ADAMTSL1: variants seen among roughly 807,000 people sequenced by gnomAD.
ADAMTSL1 encodes ADAMTS like 1, also known as ADAMTS-like protein 1.
ADAMTSL1 carries 126 observed loss-of-function variants against 201.8 expected under a neutral mutation model. The ratio of observed to expected loss-of-function variants is 0.62; its 90% CI spans 0.54 to 0.72. The LOEUF is 0.72. Ranked by LOEUF, ADAMTSL1 falls within the 30% of genes least tolerant of loss-of-function variation. The pLI is 0.00. For missense variants in ADAMTSL1, 2,679 were observed against 2,277.8 expected (o/e 1.18, Z -3.59); for synonymous variants, 1,121 against 903.4 (o/e 1.24, Z -4.32).
At chr9:18,134,294 C>G (rs1826068521) in intron 1 of ADAMTSL1, among the ~76,000 whole-genome samples, 1 of 152,164 alleles carries the variant, frequency 6.6e-6, no homozygotes, top group African/African-American at 2.4e-5. Context: ...ATTTGAACTT[C>G]TGCAGAGGCA....
At chr9:18,680,583 C>T (rs771927193) in intron 11 of ADAMTSL1, 67 bp downstream of exon 11, 1 of 1,554,704 alleles carries the variant, frequency 6.4e-7, no homozygotes, top group East Asian at 2.2e-5. Flanking sequence ...TCATCATGGC[C>T]CCACCGGGTA....
Position 18,562,748 on chromosome 9 carries a change from G to A in ADAMTSL1, c.238-11282G>A, listed in dbSNP as rs181242314. On this transcript the variant is annotated intron_variant, in intron 3 of 28. Transcript: ENST00000380548. ...CTTTTTTCTCTAATCTTGTCTTCAC[G>A]GTTTATTTCATTAAGATGATCTTCA... Among the ~76,000 whole-genome samples, 345 of 152,030 alleles carry A rather than the reference G, an allele frequency of 2.3e-3. 6 individuals carry two copies. Among genetic ancestry groups the A allele is most frequent in the Middle Eastern group, 0.017 (5 of 292 alleles).
chr9:18,882,490 G>A (rs1422869181), intron 23 of ADAMTSL1, among the ~76,000 whole-genome samples: 2 of 152,166 alleles, frequency 1.3e-5, no homozygotes, highest in African/African-American at 4.8e-5. Flanking sequence ...AATGGAACGA[G>A]CATTTTACTC....
chr9:18,865,756 C>A (rs1563871013), intron 23 of ADAMTSL1, among the ~76,000 whole-genome samples: 2 of 152,100 alleles, frequency 1.3e-5, no homozygotes, highest in African/African-American at 2.4e-5. Flanking sequence ...TAGAGAGAGG[C>A]CTTCTGCTGC....
chr9:18,680,009 G>GAA (rs1345381547), intron 10 of ADAMTSL1, among the ~76,000 whole-genome samples: 2 of 152,176 alleles, frequency 1.3e-5, no homozygotes, highest in African/African-American at 4.8e-5. Flanking sequence ...GAGAAGGACA[G>GAA]AACTACATCC....
intron 4 of ADAMTSL1, among the ~76,000 whole-genome samples, chr9:18,611,902 A>G (rs1358056359): frequency 6.6e-6 from 1 of 152,134 alleles, no homozygotes; most frequent in African/African-American, 2.4e-5. Context: ...GGATGCAGAA[A>G]GAGTGTGGCT....
chr9:18,877,840 G>C (rs1304910063), intron 23 of ADAMTSL1, among the ~76,000 whole-genome samples: 1 of 152,110 alleles, frequency 6.6e-6, no homozygotes, highest in Admixed American at 6.5e-5. Context: ...GATCTCCCAA[G>C]AGATTATGTC....
At chr9:18,315,454 G>A (rs562167903) in intron 2 of ADAMTSL1, among the ~76,000 whole-genome samples, 1 of 152,212 alleles carries the variant, frequency 6.6e-6, no homozygotes, top group South Asian at 2.1e-4. Context: ...GGGTGGTTCG[G>A]GCATTGGGGG....
rs537531375 is a variant in ADAMTSL1 at position 18,529,779 on chromosome 9, A to G, written c.192-3468A>G. Among the ~76,000 whole-genome samples, 8 of 152,324 alleles carry G rather than the reference A, an allele frequency of 5.3e-5. No individual in the cohort carries two copies. In the South Asian group the frequency reaches 1.7e-3, roughly 32 times the overall value. ...TAATATCATATTTCAGTCAAATTAAAGAAGCTCTCAAAAAAGTAATATATT... is the reference window on the plus strand; with the variant it reads ...TAATATCATATTTCAGTCAAATTAAGGAAGCTCTCAAAAAAGTAATATATT... On this transcript the variant is annotated intron_variant, in intron 2 of 28. Coordinates refer to ENST00000380548, the MANE Select transcript of ADAMTSL1 (RefSeq NM_001040272.6).
intron 14 of ADAMTSL1, among the ~76,000 whole-genome samples, chr9:18,709,004 A>G (rs1486953342): frequency 1.3e-5 from 2 of 152,212 alleles, no homozygotes; most frequent in African/African-American, 2.4e-5. Context: ...ATCTCTACCT[A>G]TAGAAGCTAA....
intron 1 of ADAMTSL1, among the ~76,000 whole-genome samples, chr9:18,497,495 A>C (rs1563997593): frequency 1.3e-5 from 2 of 152,208 alleles, no homozygotes; most frequent in Admixed American, 6.5e-5. Flanking sequence ...AATCTCCTTT[A>C]GTCTTCCAAA....
chr9:18,609,169 G>C (rs556529766), intron 4 of ADAMTSL1, among the ~76,000 whole-genome samples: 6 of 152,100 alleles, frequency 3.9e-5, no homozygotes, highest in African/African-American at 1.4e-4. Context: ...ATAGTTACTC[G>C]ATTGTATATA....
chr9:18,109,884 A>C (rs1345180405), intron 1 of ADAMTSL1, among the ~76,000 whole-genome samples: 2 of 152,218 alleles, frequency 1.3e-5, no homozygotes, highest in Non-Finnish European at 2.9e-5. Flanking sequence ...CAAAGAGAGC[A>C]GAGTGACAGA....
chr9:18,703,023 A>G (rs962310361), intron 13 of ADAMTSL1, among the ~76,000 whole-genome samples: 19 of 152,150 alleles, frequency 1.2e-4, no homozygotes, highest in African/African-American at 4.1e-4. Context: ...TGGCCTCCCA[A>G]AGTGCTGGGA....
chr9:18,399,318 T>TACATAC (rs546368782), intron 2 of ADAMTSL1, among the ~76,000 whole-genome samples: 2 of 100,796 alleles, frequency 2.0e-5, no homozygotes, highest in Admixed American at 1.0e-4. Context: ...TATATATATA[T>TACATAC]ATATATATAT....
At chr9:18,068,793 A>C (rs1314667303) in intron 1 of ADAMTSL1, among the ~76,000 whole-genome samples, 1 of 152,210 alleles carries the variant, frequency 6.6e-6, no homozygotes, top group Non-Finnish European at 1.5e-5. Context: ...AGTAAGATAC[A>C]TCTTTGCATT....
intron 1 of ADAMTSL1, among the ~76,000 whole-genome samples, chr9:18,052,658 A>G (rs528952052): frequency 1.3e-5 from 2 of 152,292 alleles, no homozygotes; most frequent in Middle Eastern, 3.4e-3. Context: ...ATGAAAGATG[A>G]TTTCATAAAG....
chr9:17,985,625 A>T (rs1188056839), intron 1 of ADAMTSL1, among the ~76,000 whole-genome samples: 3 of 152,130 alleles, frequency 2.0e-5, no homozygotes, highest in Non-Finnish European at 4.4e-5. Flanking sequence ...CAATTTAGTA[A>T]AAATTTTTAC....
intron 2 of ADAMTSL1, among the ~76,000 whole-genome samples, chr9:18,371,807 T>G (rs1837053746): frequency 6.6e-6 from 1 of 152,178 alleles, no homozygotes; most frequent in African/African-American, 2.4e-5. Flanking sequence ...ATGTGGCTTT[T>G]GACAAAACCC....
Sources: allele counts gnomAD v4.1 joint callset (sites outside exome capture counted in the v4.1 genomes callset), GRCh38; gene constraint gnomAD v4.1.1; transcripts MANE v1.5; gene names NCBI Gene and HGNC (gene_info 2026-07-23, HGNC 2026-07-21).